The following MRC1 variants were observed in gnomAD, a reference collection of about 807,000 sequenced individuals.
The protein encoded by MRC1 is macrophage mannose receptor 1.
A neutral mutation model predicts 102.9 loss-of-function variants in MRC1; 62 were observed. That is an observed-to-expected ratio of 0.60 (90% CI 0.49 to 0.74). The LOEUF is 0.74. Ranked by LOEUF, MRC1 falls within the 30% of genes least tolerant of loss-of-function variation. MRC1 has a pLI of 0.00. For missense variants in MRC1, 1,237 were observed against 862.8 expected (o/e 1.43, Z -5.43); for synonymous variants, 457 against 298.4 (o/e 1.53, Z -5.48).
At chr10:17,852,826 T>C (rs1034286854) in intron 7 of MRC1, 141 bp from the exon 8 acceptor site, 3 of 753,830 alleles carry the variant, frequency 4.0e-6, no homozygotes, top group Non-Finnish European at 7.4e-6. Context: ...TGAGCACTCA[T>C]GAGGACTATC....
At chr10:17,890,746 A>C (rs999080450) in intron 22 of MRC1, among the ~76,000 whole-genome samples, 31,008 of 152,172 alleles carry the variant, frequency 0.2, 4,167 homozygotes, top group Non-Finnish European at 0.3. Flanking sequence ...AAAGCTGGGT[A>C]TATATTACAG....
At chr10:17,847,727 TG>T (rs1838846758) in intron 6 of MRC1, among the ~76,000 whole-genome samples, 1 of 152,250 alleles carries the variant, frequency 6.6e-6, no homozygotes, top group South Asian at 2.1e-4. Context: ...TCATCTTCTG[TG>T]GCTGCCCCAG....
intron 1 of MRC1, among the ~76,000 whole-genome samples, chr10:17,812,474 T>C (rs1838238445): frequency 6.6e-6 from 1 of 152,092 alleles, no homozygotes; most frequent in Non-Finnish European, 1.5e-5. Context: ...TGTTTACTGA[T>C]GTCCATGCTG....
intron 6 of MRC1, among the ~76,000 whole-genome samples, 183 bp downstream of exon 6, chr10:17,845,618 G>A (rs926168127): frequency 8.5e-5 from 13 of 152,156 alleles, no homozygotes; most frequent in Middle Eastern, 3.4e-3. Context: ...AGTGTGCGGC[G>A]GTGTCTGGGC....
chr10:17,893,398 C>A (rs1589194098), intron 22 of MRC1, among the ~76,000 whole-genome samples: 1 of 152,188 alleles, frequency 6.6e-6, no homozygotes, highest in South Asian at 2.1e-4. Context: ...CTCAAGCGAT[C>A]TTCTAGCCTT....
chr10:17,825,294 C>T (rs1838456835), intron 2 of MRC1, among the ~76,000 whole-genome samples: 1 of 152,046 alleles, frequency 6.6e-6, no homozygotes, highest in Non-Finnish European at 1.5e-5. Flanking sequence ...GAATTGTAGA[C>T]TTAGATGGAT....
intron 3 of MRC1, among the ~76,000 whole-genome samples, chr10:17,832,093 C>A (rs1335823597): frequency 6.6e-6 from 1 of 151,564 alleles, no homozygotes; most frequent in African/African-American, 2.4e-5. Flanking sequence ...GCGATAGGAC[C>A]TCAGGTGCAG....
chr10:17,874,723 A>G (rs1347550610), intron 16 of MRC1, among the ~76,000 whole-genome samples: 6 of 151,970 alleles, frequency 3.9e-5, no homozygotes, highest in Non-Finnish European at 7.4e-5. Context: ...ACTGGGGTGA[A>G]AGCTGCTTTC....
At chr10:17,849,264 C>T (rs1322154909) in intron 6 of MRC1, among the ~76,000 whole-genome samples, 11 of 148,448 alleles carry the variant, frequency 7.4e-5, no homozygotes, top group South Asian at 2.2e-4. Flanking sequence ...ATCACACCAC[C>T]GCACTCTGGC....
chr10:17,898,646 A>G (rs1346735025), intron 24 of MRC1, among the ~76,000 whole-genome samples: 1 of 152,178 alleles, frequency 6.6e-6, no homozygotes, highest in Non-Finnish European at 1.5e-5. Context: ...TGATGGGGAC[A>G]ATTTTTTTTT....
In MRC1 at chr10:17,823,253, A is replaced by G. The variant is rs782108708; in HGVS notation, c.241A>G (p.Thr81Ala). 7 of 780,470 alleles carry G rather than the reference A, an allele frequency of 9.0e-6. No homozygotes were observed. In the African/African-American group the frequency reaches 1.0e-4, roughly 11 times the overall value. 48.3% of individuals were successfully genotyped at this position (780,470 alleles called of 1,614,324 possible). The change falls in exon 2 of 30, where the codon ACG (threonine) becomes GCG (alanine). Residue 81 changes from threonine (T) to alanine (A), a missense_variant. Physicochemically the swap from Thr to Ala is moderately conservative, Grantham distance 58 (BLOSUM62 0). Coordinates refer to ENST00000569591, the MANE Select transcript of MRC1 (RefSeq NM_002438.4). ...FKLCLGVPSKTDWVAITLYAC... is the reference protein window; with the variant it reads ...FKLCLGVPSKADWVAITLYAC... ...ATTATGCCTGGGAGTGCCATCAAAAACGGACTGGGTTGCTATCACTCTCTA... is the reference window on the plus strand; with the variant it reads ...ATTATGCCTGGGAGTGCCATCAAAAGCGGACTGGGTTGCTATCACTCTCTA...
intron 8 of MRC1, among the ~76,000 whole-genome samples, chr10:17,853,500 T>G (rs1833018845): frequency 1.3e-5 from 2 of 152,160 alleles, no homozygotes; most frequent in Admixed American, 1.3e-4. Flanking sequence ...TATATGATTA[T>G]GCATGTATAT....
Position 17,828,954 on chromosome 10 carries a change from A to G in MRC1, c.637+1239A>G, listed in dbSNP as rs1484074730. Reference sequence around the variant, plus strand: ...AAAAGGAAGTATTCCTCTTAGCTTCACGTTCCCCATCACCAGACACCCTCC... The same window carrying G: ...AAAAGGAAGTATTCCTCTTAGCTTCGCGTTCCCCATCACCAGACACCCTCC... On this transcript the variant is annotated intron_variant, in intron 3 of 29. Coordinates refer to ENST00000569591, the MANE Select transcript of MRC1 (RefSeq NM_002438.4). Among the ~76,000 whole-genome samples, 12 of 151,408 alleles carry G rather than the reference A, an allele frequency of 7.9e-5. No individual in the cohort carries two copies. In the East Asian group the frequency reaches 1.9e-3, roughly 24 times the overall value.
chr10:17,821,401 T>G (rs1446810343), intron 1 of MRC1, among the ~76,000 whole-genome samples: 1 of 152,164 alleles, frequency 6.6e-6, no homozygotes, highest in Non-Finnish European at 1.5e-5. Flanking sequence ...TCTACCACCT[T>G]TACCCAAAAA....
intron 12 of MRC1, 58 bp from the exon 13 acceptor site, chr10:17,870,188 C>T: frequency 2.7e-6 from 2 of 747,938 alleles, no homozygotes; most frequent in South Asian, 2.9e-5. Context: ...ATATTTGTTT[C>T]TCTTAATTTG....
intron 1 of MRC1, among the ~76,000 whole-genome samples, chr10:17,809,963 T>C (rs1319530945): frequency 6.6e-6 from 1 of 152,118 alleles, no homozygotes; most frequent in Non-Finnish European, 1.5e-5. Flanking sequence ...CCCCGCGTCT[T>C]AGGTCCGAGG....
chr10:17,846,935 T>A (rs971058974), intron 6 of MRC1, among the ~76,000 whole-genome samples: 34 of 152,352 alleles, frequency 2.2e-4, no homozygotes, highest in African/African-American at 8.2e-4. Flanking sequence ...ATGCATGTGA[T>A]CATTCCTGGA....
intron 4 of MRC1, among the ~76,000 whole-genome samples, chr10:17,834,246 A>G (rs2130614047): frequency 6.6e-6 from 1 of 152,294 alleles, no homozygotes; most frequent in South Asian, 2.1e-4. Context: ...AAATTAAAAG[A>G]CTGCTACCAC....
chr10:17,894,038 T>G lies in MRC1; in HGVS notation c.3148-172T>G, dbSNP rs1049857304. 2.6e-5 allele frequency among the ~76,000 whole-genome samples: 4 copies of G among 152,306 alleles called. 1 individual carries two copies. The highest frequency in any genetic ancestry group is 1.9e-4 in the East Asian group (1 of 5,188). ...AGAGTTCAAATGTGGAGGATATGCA[T>G]AGTAGGTAGAGTTGGGTAGAAAGTA... is the stretch of plus-strand genomic sequence containing the variant. On this transcript the variant is annotated intron_variant, in intron 22 of 29. Coordinates refer to ENST00000569591, the MANE Select transcript of MRC1 (RefSeq NM_002438.4).
Sources: gnomAD v4.1 joint callset for allele counts (sites outside exome capture counted in the v4.1 genomes callset) on GRCh38, gnomAD v4.1.1 for gene constraint, MANE v1.5 for transcripts, NCBI Gene and HGNC (gene_info 2026-07-23, HGNC 2026-07-21) for gene names.